The following RALGPS1 variants were observed in gnomAD, a reference collection of about 807,000 sequenced individuals.
The protein encoded by RALGPS1 is Ral GEF with PH domain and SH3 binding motif 1.
Under a neutral mutation model 78.8 loss-of-function variants are expected in RALGPS1, and 19 were observed. That is an observed-to-expected ratio of 0.24 (90% CI 0.17 to 0.35). The LOEUF (loss-of-function observed/expected upper bound fraction) is 0.35, where lower values mean the gene tolerates loss of function less well. Ranked by LOEUF, RALGPS1 falls within the 10% of genes least tolerant of loss-of-function variation. The pLI, the probability that RALGPS1 is intolerant of heterozygous loss-of-function variation, is 1.00. For synonymous variants in RALGPS1, 228 were observed against 256.3 expected, an observed-to-expected ratio of 0.89 and a Z score of 1.06; for missense variants, 454 against 688.3, an observed-to-expected ratio of 0.66 and a Z score of 3.81.
At chr9:127,162,405 T>A (rs1375983375) in intron 8 of RALGPS1, among the ~76,000 whole-genome samples, 1 of 152,252 alleles carries the variant, frequency 6.6e-6, no homozygotes, top group African/African-American at 2.4e-5. Context: ...TATACATATC[T>A]CTGTTGTGGA....
rs1476988869 is a variant in RALGPS1, at chr9:127,032,196, T to C, written c.217-2235T>C. ...AGATAAATATAGTATCATACCCACT[T>C]TAAGATGAGAAACTAGAAGTTCTGA... is the stretch of plus-strand genomic sequence containing the variant. On this transcript the variant is annotated intron_variant, in intron 4 of 18. Coordinates refer to ENST00000259351, the MANE Select transcript of RALGPS1 (RefSeq NM_014636.3). Among the ~76,000 whole-genome samples the C allele has an allele frequency of 2.0e-5, 3 of 152,272 alleles. No individual in the cohort carries two copies. In the East Asian group the frequency reaches 5.8e-4, roughly 29 times the overall value.
chr9:127,020,330 T>C (rs2045323562), intron 4 of RALGPS1, among the ~76,000 whole-genome samples: 1 of 152,228 alleles, frequency 6.6e-6, no homozygotes, highest in Non-Finnish European at 1.5e-5. Flanking sequence ...GTGAAGCAGG[T>C]ACTTCCAAAA....
chr9:127,011,401 A>C (rs1308085187), intron 4 of RALGPS1, among the ~76,000 whole-genome samples: 1 of 150,536 alleles, frequency 6.6e-6, no homozygotes, highest in African/African-American at 2.4e-5. Flanking sequence ...CTGGTCTCAA[A>C]CTCCTGACCT....
intron 1 of RALGPS1, among the ~76,000 whole-genome samples, chr9:126,925,318 A>C (rs1393270561): frequency 1.3e-5 from 2 of 151,882 alleles, no homozygotes; most frequent in Admixed American, 6.6e-5. Flanking sequence ...AGGCCAAGGC[A>C]GGCAGATCAC....
At chr9:127,013,892 C>G (rs1020947288) in intron 4 of RALGPS1, among the ~76,000 whole-genome samples, 2 of 152,358 alleles carry the variant, frequency 1.3e-5, no homozygotes, top group South Asian at 2.1e-4. Context: ...CTAGTCCCCC[C>G]ACTTCAGCTA....
chr9:127,128,500 G>A (rs1233907530), intron 8 of RALGPS1, among the ~76,000 whole-genome samples: 3 of 152,210 alleles, frequency 2.0e-5, no homozygotes, highest in African/African-American at 7.2e-5. Flanking sequence ...CCCCAGTGAG[G>A]TTGGCCTGTG....
At chr9:126,950,724 A>G (rs2037731112) in intron 1 of RALGPS1, among the ~76,000 whole-genome samples, 1 of 152,000 alleles carries the variant, frequency 6.6e-6, no homozygotes, top group Non-Finnish European at 1.5e-5. Context: ...GAAAGATCCA[A>G]AATTGACACC....
chr9:127,204,459 A>G lies in RALGPS1; in HGVS notation c.1247+5393A>G, dbSNP rs562017546. 9.3e-4 allele frequency among the ~76,000 whole-genome samples: 141 copies of G among 152,092 alleles called. 12 individuals carry two copies. Among genetic ancestry groups the G allele is most frequent in the Non-Finnish European group, 1.5e-5 (1 of 68,008 alleles). On this transcript the variant is annotated intron_variant, in intron 14 of 18. Coordinates refer to ENST00000259351, the MANE Select transcript of RALGPS1 (RefSeq NM_014636.3). The stretch of plus-strand genomic sequence containing the variant: ...TTATGAATTTCCCTCAATAGGTACT[A>G]CTTACCACCAAGAAAGCAACCCAGG...
chr9:126,967,618 C>G (rs2039646799), intron 3 of RALGPS1, among the ~76,000 whole-genome samples: 1 of 152,100 alleles, frequency 6.6e-6, no homozygotes, highest in Admixed American at 6.5e-5. Context: ...CTTATAAAAG[C>G]CTCAATCTCC....
intron 1 of RALGPS1, among the ~76,000 whole-genome samples, chr9:126,958,887 G>A (rs762459946): frequency 1.3e-5 from 2 of 152,106 alleles, no homozygotes; most frequent in African/African-American, 2.4e-5. Context: ...CACCAGCAAC[G>A]CGTGAGGGTT....
At chr9:127,058,998 A>T (rs554663503) in intron 7 of RALGPS1, among the ~76,000 whole-genome samples, 2 of 152,234 alleles carry the variant, frequency 1.3e-5, no homozygotes, top group East Asian at 3.9e-4. Flanking sequence ...GAGGGGAACT[A>T]TCCTGGGAGT....
rs530706814 is a variant in RALGPS1 at position 127,166,191 on chromosome 9, G to C, written c.733G>C (p.Val245Leu). The C allele has an allele frequency of 6.2e-7, 1 of 1,613,412 alleles. No homozygotes were observed. The highest frequency in any genetic ancestry group is 2.2e-5 in the East Asian group (1 of 44,812). The change falls in exon 9 of 19, where the codon GTT (valine) becomes CTT (leucine). Residue 245 changes from valine (V) to leucine (L), a missense_variant. By Grantham distance (32) the Val-to-Leu change is conservative. Coordinates refer to ENST00000259351, the MANE Select transcript of RALGPS1 (RefSeq NM_014636.3). ...TCTTCGAATAATTGCTGATTTACAA[G>C]TTTCCTGCAGCTATGGTTAGTACCC... ...NILRIIADLQ[V>L]SCSYDHLTTL...
chr9:127,022,117 A>G (rs545116750), intron 4 of RALGPS1, among the ~76,000 whole-genome samples: 1 of 152,260 alleles, frequency 6.6e-6, no homozygotes, highest in Non-Finnish European at 1.5e-5. Context: ...CAGTGAGTAC[A>G]TATATGTGTA....
intron 4 of RALGPS1, among the ~76,000 whole-genome samples, chr9:126,996,645 C>A (rs1327525937): frequency 6.6e-6 from 1 of 152,140 alleles, no homozygotes; most frequent in Non-Finnish European, 1.5e-5. Context: ...CTATTCCAAT[C>A]AATAGAAAAA....
chr9:127,026,339 C>A (rs992758786), intron 4 of RALGPS1, among the ~76,000 whole-genome samples: 1 of 152,170 alleles, frequency 6.6e-6, no homozygotes, highest in African/African-American at 2.4e-5. Flanking sequence ...GGTGAGTCTG[C>A]CTTCCCCAGC....
chr9:126,923,450 T>C lies in RALGPS1; in HGVS notation c.-66+8475T>C, dbSNP rs914813748. On this transcript the variant is annotated intron_variant, in intron 1 of 18. Coordinates refer to ENST00000259351, the MANE Select transcript of RALGPS1 (RefSeq NM_014636.3). ...GGTGAGATAAGGTGACAGGGCTTCA[T>C]TGGAAAAAGGTACTTATAATAGTTT... Among the ~76,000 whole-genome samples the C allele has an allele frequency of 3.9e-5, 6 of 152,168 alleles. No homozygotes were observed. The South Asian group carries it at 8.3e-4, about 21-fold the overall frequency.
chr9:127,091,569 C>T lies in RALGPS1; in HGVS notation c.610+22213C>T. 6.7e-7 allele frequency: 1 copy of T among 1,491,186 alleles called. No homozygotes were observed. The highest frequency in any genetic ancestry group is 9.0e-7 in the Non-Finnish European group (1 of 1,109,918). 92.4% of individuals were successfully genotyped at this position (1,491,186 alleles called of 1,614,324 possible). On this transcript the variant is annotated intron_variant, in intron 8 of 18. Coordinates refer to ENST00000259351, the MANE Select transcript of RALGPS1 (RefSeq NM_014636.3). This position sits in a 1 kb window ranked among gnomAD's most constrained non-coding sequence, Gnocchi z 4.3. ...GGCAGCTTGGCCCAGCTGCTTCTCA[C>T]CCTGGGATCTTCCCGTTTCCAAGCC...
At chr9:127,064,968 T>G (rs1200918896) in intron 7 of RALGPS1, among the ~76,000 whole-genome samples, 1 of 152,078 alleles carries the variant, frequency 6.6e-6, no homozygotes, top group Non-Finnish European at 1.5e-5. Flanking sequence ...TTTTTTTGTT[T>G]TGGGTCTTTC....
At chr9:127,096,077 C>G (rs539842845) in intron 8 of RALGPS1, among the ~76,000 whole-genome samples, 46 of 152,332 alleles carry the variant, frequency 3.0e-4, no homozygotes, top group African/African-American at 9.6e-4. Flanking sequence ...GGACCCAATG[C>G]TCCCCACCCC....
Sources: gnomAD v4.1 joint callset for allele counts (sites outside exome capture counted in the v4.1 genomes callset) on GRCh38, gnomAD v4.1.1 for gene constraint, Gnocchi (gnomAD v3.1) non-coding constraint, MANE v1.5 for transcripts, NCBI Gene and HGNC (gene_info 2026-07-23, HGNC 2026-07-21) for gene names.